The following GALNT13 variants were observed in gnomAD, a reference collection of about 807,000 sequenced individuals.
GALNT13 encodes the protein UDP-GalNAc:polypeptide N-acetylgalactosaminyltransferase 13.
A neutral mutation model predicts 64.2 loss-of-function variants in GALNT13; 28 were observed. The ratio of observed to expected loss-of-function variants is 0.44; its 90% CI spans 0.32 to 0.60. The LOEUF is 0.60. Among genes scored for constraint, GALNT13 ranks in the 20% least tolerant of loss-of-function variants. The probability of loss-of-function intolerance (pLI) is 0.05; values close to 1 mark genes in which losing one functional copy is unlikely to be tolerated. For synonymous variants in GALNT13, 214 were observed against 224.6 expected (o/e 0.95, Z 0.42); for missense variants, 577 against 669.8 (o/e 0.86, Z 1.53).
the GALNT13 span, among the ~76,000 whole-genome samples, chr2:153,604,499 A>G: frequency 6.6e-6 from 1 of 152,020 alleles, no homozygotes. Flanking sequence ...GACCATTTTT[A>G]TCATTAAGGT....
chr2:153,543,741 C>A, the GALNT13 span, among the ~76,000 whole-genome samples: 1 of 152,200 alleles, frequency 6.6e-6, no homozygotes, highest in Non-Finnish European at 1.5e-5. Flanking sequence ...TGCTATAGGT[C>A]ACCTTACGAA....
At chr2:154,088,696 A>G (rs1574479067) in intron 3 of GALNT13, among the ~76,000 whole-genome samples, 1 of 152,002 alleles carries the variant, frequency 6.6e-6, no homozygotes, top group African/African-American at 2.4e-5. Context: ...CAGGCGATTC[A>G]CCCACCTTGG....
intron 3 of GALNT13, among the ~76,000 whole-genome samples, chr2:153,965,423 C>A (rs562666220): frequency 2.7e-4 from 41 of 152,072 alleles, no homozygotes; most frequent in African/African-American, 8.7e-4. Context: ...TTTTAACTCC[C>A]AAATGTGAGT....
the GALNT13 span, among the ~76,000 whole-genome samples, chr2:153,118,545 T>C: frequency 1.3e-5 from 2 of 152,196 alleles, no homozygotes; most frequent in African/African-American, 4.8e-5. Flanking sequence ...GCCTTTTTTT[T>C]ACTAGGCTGT....
chr2:154,106,706 C>A (rs1159754016), intron 3 of GALNT13, among the ~76,000 whole-genome samples: 2 of 151,646 alleles, frequency 1.3e-5, no homozygotes, highest in Non-Finnish European at 2.9e-5. Flanking sequence ...GTGGGCCTTT[C>A]CATGTAATCA....
chr2:154,333,434 ACT>A (rs1695275202), intron 9 of GALNT13, among the ~76,000 whole-genome samples: 1 of 151,994 alleles, frequency 6.6e-6, no homozygotes, highest in Non-Finnish European at 1.5e-5. Context: ...AACATGTATA[ACT>A]CTTTTATCTA....
the GALNT13 span, among the ~76,000 whole-genome samples, chr2:153,785,293 A>G: frequency 1.3e-5 from 2 of 152,052 alleles, no homozygotes; most frequent in African/African-American, 2.4e-5. Flanking sequence ...GGACCTGCCA[A>G]CTGGGGTCCC....
intron 12 of GALNT13, chr2:154,446,360 C>T (rs1400000739): frequency 1.9e-5 from 7 of 363,084 alleles, no homozygotes; most frequent in Non-Finnish European, 3.4e-5. Context: ...TCTCCATATT[C>T]TCAGTCTTAT....
At chr2:153,079,235 G>A in the GALNT13 span, among the ~76,000 whole-genome samples, 1 of 152,094 alleles carries the variant, frequency 6.6e-6, no homozygotes, top group Non-Finnish European at 1.5e-5. Context: ...CTTTTACTGT[G>A]ACTTGTAGCA....
At chr2:154,091,502 CTAAAT>C (rs773891159) in intron 3 of GALNT13, among the ~76,000 whole-genome samples, 23 of 151,702 alleles carry the variant, frequency 1.5e-4, no homozygotes, top group Non-Finnish European at 2.7e-4. Flanking sequence ...ACAAAATATA[CTAAAT>C]TAAAAGGATG....
chr2:153,919,266 G>T (rs1413838144), intron 2 of GALNT13, among the ~76,000 whole-genome samples: 1 of 151,666 alleles, frequency 6.6e-6, no homozygotes, highest in Non-Finnish European at 1.5e-5. Flanking sequence ...AATTTCCATT[G>T]ACTTGCTGAC....
At chr2:153,822,575 A>T in the GALNT13 span, among the ~76,000 whole-genome samples, 77,443 of 151,990 alleles carry the variant, frequency 0.51, 20,599 homozygotes, top group Admixed American at 0.63. Flanking sequence ...CATTAAAGGA[A>T]CATACCTAAA....
At chr2:153,608,122 G>A in the GALNT13 span, among the ~76,000 whole-genome samples, 1 of 152,052 alleles carries the variant, frequency 6.6e-6, no homozygotes, top group Admixed American at 6.6e-5. Context: ...GTCAGACTCT[G>A]AAAGCCTTCC....
At chr2:154,302,317 A>G (rs1693488113) in intron 9 of GALNT13, among the ~76,000 whole-genome samples, 1 of 152,170 alleles carries the variant, frequency 6.6e-6, no homozygotes, top group African/African-American at 2.4e-5. Flanking sequence ...GAAGCATTTA[A>G]AAAGGGAGAA....
At chr2:153,379,525 A>G in the GALNT13 span, among the ~76,000 whole-genome samples, 2 of 152,194 alleles carry the variant, frequency 1.3e-5, no homozygotes, top group Admixed American at 6.6e-5. Flanking sequence ...CTTCAAAATA[A>G]TGCAGTTAAT....
chr2:153,352,214 A>G, the GALNT13 span, among the ~76,000 whole-genome samples: 2 of 152,142 alleles, frequency 1.3e-5, no homozygotes, highest in Non-Finnish European at 2.9e-5. Context: ...CATATAATGT[A>G]AGGCATCTCT....
At chr2:154,275,430 G>T (rs550276712) in intron 8 of GALNT13, among the ~76,000 whole-genome samples, 1 of 152,310 alleles carries the variant, frequency 6.6e-6, no homozygotes, top group Non-Finnish European at 1.5e-5. Flanking sequence ...CTCTAGCTAT[G>T]GGTAAAAGGC....
At chr2:153,133,164 G>A in the GALNT13 span, among the ~76,000 whole-genome samples, 1 of 151,150 alleles carries the variant, frequency 6.6e-6, no homozygotes, top group Admixed American at 6.6e-5. Flanking sequence ...CAGACTCAAA[G>A]CTCCCTTTCT....
At chr2:153,082,602 TATATATATATATATATACACACAC>T in the GALNT13 span, among the ~76,000 whole-genome samples, 4 of 45,534 alleles carry the variant, frequency 8.8e-5, no homozygotes, top group Non-Finnish European at 1.2e-4. Flanking sequence ...TATATATATA[TATATATATATATATATACACACAC>T]ACACACACAC....
Sources: allele counts gnomAD v4.1 joint callset (sites outside exome capture counted in the v4.1 genomes callset), GRCh38; gene constraint gnomAD v4.1.1; transcripts MANE v1.5; gene names NCBI Gene and HGNC (gene_info 2026-07-23, HGNC 2026-07-21).